SYCP2: variants seen among roughly 807,000 people sequenced by gnomAD.
The protein encoded by SYCP2 is synaptonemal complex lateral element protein.
SYCP2 carries 55 observed loss-of-function variants against 211.3 expected under a neutral mutation model. The ratio of observed to expected loss-of-function variants is 0.26; its 90% CI spans 0.21 to 0.33. The LOEUF (loss-of-function observed/expected upper bound fraction) is 0.33, where lower values mean the gene tolerates loss of function less well. Among genes scored for constraint, SYCP2 ranks in the 10% least tolerant of loss-of-function variants. SYCP2 has a pLI of 1.00. For missense variants in SYCP2, 1,731 were observed against 1,752.0 expected (o/e 0.99, Z 0.21); for synonymous variants, 570 against 555.2 (o/e 1.03, Z -0.37).
At chr20:59,881,114 G>C (rs2059670436) in intron 29 of SYCP2, 91 bp from the exon 30 acceptor site, 2 of 715,578 alleles carry the variant, frequency 2.8e-6, no homozygotes, top group African/African-American at 1.8e-5. Context: ...TGAGTTTTCA[G>C]TCTTAACTTT....
intron 2 of SYCP2, among the ~76,000 whole-genome samples, chr20:59,931,206 G>A (rs1473794146): frequency 6.6e-6 from 1 of 152,170 alleles, no homozygotes; most frequent in African/African-American, 2.4e-5. Flanking sequence ...GACTGCTTGA[G>A]CCCAGGAGCT....
At chr20:59,896,689 G>A (rs1367688779) in intron 18 of SYCP2, among the ~76,000 whole-genome samples, 161 bp from the exon 19 acceptor site, 1 of 152,110 alleles carries the variant, frequency 6.6e-6, no homozygotes, top group African/African-American at 2.4e-5. Context: ...AGGCTGATAT[G>A]AAAGGTTCAT....
chr20:59,911,108 A>G (rs1340931700), intron 14 of SYCP2, among the ~76,000 whole-genome samples: 1 of 152,200 alleles, frequency 6.6e-6, no homozygotes, highest in Non-Finnish European at 1.5e-5. Flanking sequence ...AATGCTGATC[A>G]ACTCTTACTC....
chr20:59,894,043 T>G (rs2059960517), intron 20 of SYCP2, among the ~76,000 whole-genome samples: 2 of 152,074 alleles, frequency 1.3e-5, no homozygotes, highest in African/African-American at 4.8e-5. Context: ...GTTTTTTATT[T>G]ATAACAATAT....
chr20:59,870,326 A>C (rs2059425919), intron 35 of SYCP2, among the ~76,000 whole-genome samples: 1 of 151,876 alleles, frequency 6.6e-6, no homozygotes, highest in South Asian at 2.1e-4. Context: ...AGAAAAGCCA[A>C]GAGAATCTAG....
chr20:59,901,964 C>A (rs1350289956), intron 15 of SYCP2, among the ~76,000 whole-genome samples, 154 bp from the exon 16 acceptor site: 2 of 152,024 alleles, frequency 1.3e-5, no homozygotes, highest in African/African-American at 4.8e-5. Context: ...GCACTACTTA[C>A]CTATGTAAAT....
At position 59,881,868 on chromosome 20, in the gene SYCP2, C is replaced by G. The variant is rs886153924; in HGVS notation, c.2658+77G>C. ...AGCATATGAGGATGCACATTAAAAA[C>G]ATTCTATGTAATAACTGCATGGTAA... On this transcript the variant is annotated intron_variant, in intron 28 of 44. Coordinates refer to ENST00000357552, the MANE Select transcript of SYCP2 (RefSeq NM_014258.4). 15 of 1,188,682 alleles carry G rather than the reference C, an allele frequency of 1.3e-5. No homozygotes were observed. The African/African-American group carries it at 2.0e-4, about 16-fold the overall frequency. The allele number at this position is 1,188,682 out of a possible 1,614,324, so 73.6% of individuals were successfully genotyped here.
intron 41 of SYCP2, 92 bp from the exon 42 acceptor site, chr20:59,865,957 C>A: frequency 1.9e-6 from 1 of 533,918 alleles, no homozygotes; most frequent in Non-Finnish European, 3.1e-6. Context: ...AAATTAAAAT[C>A]CAACAGTAGA....
chr20:59,867,014 C>CAAAAAAAAAAAAAA (rs779891839), intron 39 of SYCP2, among the ~76,000 whole-genome samples: 3 of 60,414 alleles, frequency 5.0e-5, no homozygotes, highest in Non-Finnish European at 9.3e-5. Context: ...GGCCTTGGGC[C>CAAAAAAAAAAAAAA]AAAAAAAAAA....
chr20:59,919,601 A>C lies in SYCP2; in HGVS notation c.298-4T>G, dbSNP rs749828439. 1 of 1,575,132 alleles carries C rather than the reference A, an allele frequency of 6.3e-7. No homozygotes were observed. The highest frequency in any genetic ancestry group is 8.7e-7 in the Non-Finnish European group (1 of 1,149,754). On this transcript the variant is annotated splice_polypyrimidine_tract_variant and splice_region_variant and intron_variant, in intron 5 of 44. Coordinates refer to ENST00000357552, the MANE Select transcript of SYCP2 (RefSeq NM_014258.4). ...ATTTTTCAAACCAGGCAACCATGTA[A>C]AAAAAGGAATGAACTTATTAGAGTT... is the stretch of plus-strand genomic sequence containing the variant.
chr20:59,882,416 A>G (rs6027167), intron 26 of SYCP2, among the ~76,000 whole-genome samples: 1 of 152,158 alleles, frequency 6.6e-6, no homozygotes, highest in Admixed American at 6.6e-5. Context: ...AACTAAAAAT[A>G]GAACTACAGT....
intron 7 of SYCP2, among the ~76,000 whole-genome samples, chr20:59,917,429 T>C (rs912447690): frequency 3.3e-5 from 5 of 152,136 alleles, no homozygotes; most frequent in African/African-American, 1.2e-4. Context: ...TAACAACAAA[T>C]GTACAGTTTT....
At chr20:59,917,499 T>TA (rs2060464957) in intron 7 of SYCP2, among the ~76,000 whole-genome samples, 1 of 151,982 alleles carries the variant, frequency 6.6e-6, no homozygotes, top group Non-Finnish European at 1.5e-5. Flanking sequence ...TTATTTACTT[T>TA]AAAAATCAGG....
In SYCP2 at chr20:59,921,416, T is replaced by C; in HGVS notation, c.62A>G (p.Asn21Ser). The change falls in exon 4 of 45, where the codon AAT becomes AGT. Residue 21 changes from asparagine (N) to serine (S), a missense_variant. Physicochemically the swap from Asn to Ser is conservative, Grantham distance 46 (BLOSUM62 1). Transcript: ENST00000357552. ...EKCIDDALRK[N>S]DFKPLKTLLQ... The stretch of plus-strand genomic sequence containing the variant: ...AAGTGTTTTCAAAGGTTTGAAATCA[T>C]TTTTTCTTAAAGCATCATCAATGCA... 1 of 1,604,422 alleles carries C rather than the reference T, an allele frequency of 6.2e-7. No individual in the cohort carries two copies.
chr20:59,919,540 C>G lies in SYCP2; in HGVS notation c.355G>C (p.Asp119His), dbSNP rs775804363. The G allele has an allele frequency of 4.3e-6, 7 of 1,610,336 alleles. No homozygotes were observed. In the African/African-American group the frequency reaches 9.4e-5, roughly 22 times the overall value. Residue 119 changes from aspartate (D) to histidine (H), a missense_variant, in exon 6 of 45, where the codon GAT becomes CAT. Coordinates refer to ENST00000357552, the MANE Select transcript of SYCP2 (RefSeq NM_014258.4). Reference sequence around the variant, plus strand: ...TCTATCATATTTAGAACAGCTTCATCTTTTGAATTTCCTTGACTCTGAATA... The same window carrying G: ...TCTATCATATTTAGAACAGCTTCATGTTTTGAATTTCCTTGACTCTGAATA... The part of the protein sequence containing the change: ...DIIQSQGNSK[D>H]EAVLNMIEDL...
intron 15 of SYCP2, among the ~76,000 whole-genome samples, chr20:59,905,307 A>G (rs1418373362): frequency 6.6e-6 from 1 of 152,234 alleles, no homozygotes; most frequent in African/African-American, 2.4e-5. Context: ...AATTAATTAT[A>G]AATGAATATT....
chr20:59,921,201 G>T, intron 4 of SYCP2, 109 bp downstream of exon 4: 2 of 819,388 alleles, frequency 2.4e-6, no homozygotes, highest in Non-Finnish European at 3.7e-6. Flanking sequence ...ATATAATTAT[G>T]ACTGAGCTTG....
intron 35 of SYCP2, among the ~76,000 whole-genome samples, chr20:59,872,693 A>G (rs775784221): frequency 3.9e-5 from 6 of 151,990 alleles, no homozygotes; most frequent in Non-Finnish European, 8.8e-5. Context: ...AGTACAGGTA[A>G]GAGTTTTGTA....
intron 28 of SYCP2, among the ~76,000 whole-genome samples, 180 bp downstream of exon 28, chr20:59,881,765 T>TA (rs544557299): frequency 1.4e-5 from 2 of 146,786 alleles, no homozygotes; most frequent in South Asian, 2.1e-4. Flanking sequence ...AAACAAAAAT[T>TA]TAAAAAAAAA....
Sources: allele counts gnomAD v4.1 joint callset (sites outside exome capture counted in the v4.1 genomes callset), GRCh38; gene constraint gnomAD v4.1.1; transcripts MANE v1.5; gene names NCBI Gene and HGNC (gene_info 2026-07-23, HGNC 2026-07-21).